RNF121: variants seen among roughly 807,000 people sequenced by gnomAD.
The protein encoded by RNF121 is E3 ubiquitin ligase RNF121.
Under a neutral mutation model 46.5 loss-of-function variants are expected in RNF121, and 21 were observed. The observed-to-expected ratio is 0.45, with a 90% CI of 0.32 to 0.65. The LOEUF is 0.65. RNF121 is among the 30% of genes least tolerant of loss of function. The pLI is 0.04. For missense variants in RNF121, 346 were observed against 416.0 expected, an observed-to-expected ratio of 0.83 and a Z score of 1.46; for synonymous variants, 139 against 144.7, an observed-to-expected ratio of 0.96 and a Z score of 0.28.
chr11:71,970,921 G>T (rs1412224730), intron 3 of RNF121, among the ~76,000 whole-genome samples: 1 of 152,050 alleles, frequency 6.6e-6, no homozygotes, highest in East Asian at 1.9e-4. Context: ...TATAATAAAG[G>T]TGTAACCACC....
chr11:71,932,877 A>ATGATT (rs371887600), intron 1 of RNF121, among the ~76,000 whole-genome samples: 13 of 152,326 alleles, frequency 8.5e-5, no homozygotes, highest in African/African-American at 2.4e-4. Context: ...ACTTACTGAT[A>ATGATT]ACTGGTGGAT....
At chr11:71,980,031 G>A (rs1373792633) in intron 3 of RNF121, among the ~76,000 whole-genome samples, 1 of 152,142 alleles carries the variant, frequency 6.6e-6, no homozygotes, top group Non-Finnish European at 1.5e-5. Flanking sequence ...GTTGTTTGTT[G>A]TGATGTCTTT....
intron 3 of RNF121, among the ~76,000 whole-genome samples, chr11:71,976,208 C>T (rs892337357): frequency 6.6e-6 from 1 of 151,992 alleles, no homozygotes; most frequent in African/African-American, 2.4e-5. Context: ...TCTCTTATGG[C>T]CTGCTGTCTT....
intron 5 of RNF121, 118 bp downstream of exon 5, chr11:71,987,229 C>A: frequency 1.5e-6 from 1 of 685,266 alleles, no homozygotes; most frequent in South Asian, 1.6e-5. Flanking sequence ...GGATAGGAGA[C>A]TTGGGTGCTG....
In RNF121 at chr11:71,995,534, G is replaced by C; in HGVS notation, c.846G>C (p.Lys282Asn). ...ACTGCAAAGAGAAGGTAGACCTCAA[G>C]AGGATGTTCAGCAATCCGTATCCTT... ...CPYCKEKVDL[K>N]RMFSNPWERP... The change falls in exon 8 of 9, where the codon AAG (lysine) becomes AAC (asparagine). Residue 282 changes from lysine to asparagine, a missense_variant. By Grantham distance (94) the Lys-to-Asn change is moderately conservative. Around this residue, in one of 2 missense-constraint regions of RNF121, gnomAD observed 286 missense variants for 383.8 expected, o/e 0.75. Coordinates refer to ENST00000361756, the MANE Select transcript of RNF121 (RefSeq NM_018320.5). The C allele has an allele frequency of 6.3e-7, 1 of 1,590,366 alleles. No homozygotes were observed. The highest frequency in any genetic ancestry group is 8.6e-7 in the Non-Finnish European group (1 of 1,166,328).
intron 6 of RNF121, among the ~76,000 whole-genome samples, chr11:71,992,548 G>A (rs546285480): frequency 6.6e-5 from 10 of 152,236 alleles, no homozygotes; most frequent in South Asian, 2.1e-4. Context: ...GTTATATGTC[G>A]TTTCATTTAA....
At chr11:71,950,212 T>C (rs1236529344) in intron 1 of RNF121, among the ~76,000 whole-genome samples, 1 of 152,156 alleles carries the variant, frequency 6.6e-6, no homozygotes, top group Non-Finnish European at 1.5e-5. Context: ...AGTTAGCAGA[T>C]ACTTGAAGCC....
chr11:71,982,335 C>A (rs375661763), intron 3 of RNF121, among the ~76,000 whole-genome samples: 58 of 79,100 alleles, frequency 7.3e-4, no homozygotes, highest in East Asian at 1.2e-3. Context: ...GACTCCATCT[C>A]AAAAAAAAAA....
chr11:71,990,479 A>T, intron 5 of RNF121, 118 bp from the exon 6 acceptor site: 1 of 1,329,590 alleles, frequency 7.5e-7, no homozygotes, highest in East Asian at 2.3e-5. Flanking sequence ...GTTTGCCCGC[A>T]CTTGCTCTAG....
Position 71,974,301 on chromosome 11 carries a change from A to G in RNF121, c.244-8460A>G, listed in dbSNP as rs1269025293. Among the ~76,000 whole-genome samples the G allele has an allele frequency of 2.0e-5, 3 of 152,180 alleles. 1 individual carries two copies. The highest frequency in any genetic ancestry group is 4.4e-5 in the Non-Finnish European group (3 of 68,016). On this transcript the variant is annotated intron_variant, in intron 3 of 8. Transcript: ENST00000361756. Reference sequence around the variant, plus strand: ...TAAATTTTAGATACTGTTCTTTTCAATTCTAGCAATAATAATACTTTAGAT... The same window carrying G: ...TAAATTTTAGATACTGTTCTTTTCAGTTCTAGCAATAATAATACTTTAGAT...
chr11:71,950,879 C>A (rs1321175238), intron 1 of RNF121, among the ~76,000 whole-genome samples: 3 of 152,084 alleles, frequency 2.0e-5, no homozygotes, highest in Non-Finnish European at 4.4e-5. Context: ...CACTCCAGAA[C>A]TTTGGAGTTA....
intron 6 of RNF121, 113 bp from the exon 7 acceptor site, chr11:71,994,606 C>T: frequency 2.4e-6 from 3 of 1,237,666 alleles, no homozygotes; most frequent in Non-Finnish European, 3.4e-6. Flanking sequence ...AACTCTGGGC[C>T]TCCCGCTGCC....
intron 8 of RNF121, 75 bp downstream of exon 8, chr11:71,995,626 T>C: frequency 8.4e-7 from 1 of 1,194,502 alleles, no homozygotes; most frequent in Non-Finnish European, 1.2e-6. Context: ...TGCATTTGGG[T>C]CCTCCTGGGG....
intron 6 of RNF121, among the ~76,000 whole-genome samples, chr11:71,990,963 G>T (rs556163340): frequency 5.7e-4 from 87 of 152,330 alleles, no homozygotes; most frequent in African/African-American, 2.0e-3. Context: ...GCCAGTTAAT[G>T]CAGGAACAGA....
chr11:71,980,683 G>C (rs900012299), intron 3 of RNF121, among the ~76,000 whole-genome samples: 1 of 152,144 alleles, frequency 6.6e-6, no homozygotes, highest in African/African-American at 2.4e-5. Flanking sequence ...AAATCTATAA[G>C]AGAATGGTAG....
At chr11:71,959,862 C>T (rs1277613204) in intron 2 of RNF121, among the ~76,000 whole-genome samples, 1 of 152,172 alleles carries the variant, frequency 6.6e-6, no homozygotes. Flanking sequence ...TCGTTAACTC[C>T]TGACCTCACG....
rs996221793 is a variant in RNF121 at position 71,987,820 on chromosome 11, G to A, written c.506+709G>A. Among the ~76,000 whole-genome samples the A allele has an allele frequency of 1.4e-4, 22 of 152,328 alleles. 1 individual carries two copies. Among genetic ancestry groups the A allele is most frequent in the Admixed American group, 1.4e-3 (21 of 15,300 alleles). On this transcript the variant is annotated intron_variant, in intron 5 of 8. Coordinates refer to ENST00000361756, the MANE Select transcript of RNF121 (RefSeq NM_018320.5). ...ACAAAATAAATAATAGAGCAGAGTG[G>A]TGTCTGCAAGTCTTCACAGTAGACT...
intron 1 of RNF121, among the ~76,000 whole-genome samples, chr11:71,941,400 A>G (rs1265575200): frequency 1.5e-4 from 23 of 152,204 alleles, no homozygotes; most frequent in Non-Finnish European, 3.1e-4. Context: ...GTCTGTATTA[A>G]TTATTCATTA....
intron 1 of RNF121, among the ~76,000 whole-genome samples, chr11:71,929,511 C>T (rs1041445750): frequency 4.0e-5 from 6 of 151,878 alleles, no homozygotes; most frequent in African/African-American, 1.5e-4. Flanking sequence ...AGGACTCTGT[C>T]TAAGCCTAGG....
Sources: gnomAD v4.1 joint callset for allele counts (sites outside exome capture counted in the v4.1 genomes callset) on GRCh38, gnomAD v4.1.1 for gene constraint, gnomAD v4.1.1 regional missense constraint, MANE v1.5 for transcripts, NCBI Gene and HGNC (gene_info 2026-07-23, HGNC 2026-07-21) for gene names.